The following PAEP variants were observed in gnomAD, a reference collection of about 807,000 sequenced individuals.
The protein encoded by PAEP is glycodelin.
PAEP carries 28 observed loss-of-function variants against 23.0 expected under a neutral mutation model. The observed-to-expected ratio is 1.22, with a 90% CI of 0.90 to 1.67. PAEP has a LOEUF of 1.67. Ranked by LOEUF, PAEP falls within the 40% of genes most tolerant of loss-of-function variation. The probability of loss-of-function intolerance (pLI) is 0.00; values close to 1 mark genes in which losing one functional copy is unlikely to be tolerated. For synonymous variants in PAEP, 103 were observed against 92.4 expected, an observed-to-expected ratio of 1.12 and a Z score of -0.66; for missense variants, 209 against 226.4, an observed-to-expected ratio of 0.92 and a Z score of 0.49.
intron 5 of PAEP, 87 bp downstream of exon 5, chr9:135,565,601 CTCAGG>C (rs769614075): frequency 7.1e-7 from 1 of 1,398,726 alleles, no homozygotes; most frequent in Non-Finnish European, 1.0e-6. Context: ...CTCTGCAGGA[CTCAGG>C]TCACTCCTTT....
intron 3 of PAEP, among the ~76,000 whole-genome samples, chr9:135,564,017 G>A (rs577929428): frequency 6.4e-4 from 97 of 152,168 alleles, no homozygotes; most frequent in Admixed American, 2.2e-3. Context: ...GCCTCTCCAC[G>A]GCACACCTGG....
At chr9:135,565,044 G>T (rs1472576283) in intron 4 of PAEP, among the ~76,000 whole-genome samples, 3 of 150,074 alleles carry the variant, frequency 2.0e-5, no homozygotes, top group Non-Finnish European at 3.0e-5. Context: ...GTTTCCTCTG[G>T]GGTCACACAG....
chr9:135,564,700 T>C, intron 4 of PAEP: 1 of 659,880 alleles, frequency 1.5e-6, no homozygotes, highest in Non-Finnish European at 1.9e-6. Context: ...AGACGGGGTT[T>C]CACCATGTTG....
At position 135,565,770 on chromosome 9, in the gene PAEP, C is replaced by T; in HGVS notation, c.527-15C>T. 1 of 1,614,108 alleles carries T rather than the reference C, an allele frequency of 6.2e-7. No homozygotes were observed. Among genetic ancestry groups the T allele is most frequent in the South Asian group, 1.1e-5 (1 of 91,078 alleles). ...TCTCTCGCTGACACCTCCACTGTCC[C>T]ATCTCCTCCCACAGAGCCGTGCCGT... is the stretch of plus-strand genomic sequence containing the variant. On this transcript the variant is annotated splice_polypyrimidine_tract_variant and intron_variant, in intron 5 of 6. Transcript: ENST00000479141.
rs1471935511 is a variant in PAEP at position 135,561,864 on chromosome 9, C to T, written c.63C>T (p.Ile21=). ...ALVCGVPAMD[I]PQTKQDLELP... ...TCTGTGGTGTCCCGGCCATGGACAT[C>T]CCCCAGACCAAGCAGGACCTGGAGC... Residue 21 remains isoleucine (I), a synonymous_variant, in exon 1 of 7, where the codon ATC becomes ATT. Coordinates refer to ENST00000479141, the MANE Select transcript of PAEP (RefSeq NM_002571.4). 16 of 1,567,608 alleles carry T rather than the reference C, an allele frequency of 1.0e-5. No individual in the cohort carries two copies. In the South Asian group the frequency reaches 1.6e-4, roughly 16 times the overall value.
intron 3 of PAEP, among the ~76,000 whole-genome samples, chr9:135,563,386 GTAGGTATACAGGTGGA>G (rs1832417811): frequency 4.6e-4 from 3 of 6,534 alleles, no homozygotes; most frequent in African/African-American, 1.1e-3. Flanking sequence ...GGGTAGGTGG[GTAGGTATACAGGTGGA>G]CAGGTGGGTA....
At chr9:135,562,924 C>T in intron 3 of PAEP, 31 bp downstream of exon 3, 2 of 1,550,488 alleles carry the variant, frequency 1.3e-6, no homozygotes, top group Non-Finnish European at 1.8e-6. Flanking sequence ...AGGGCTGGCT[C>T]AGTGCTGGCA....
chr9:135,562,975 G>A (rs1337056677), intron 3 of PAEP, 82 bp downstream of exon 3: 2 of 1,062,210 alleles, frequency 1.9e-6, no homozygotes, highest in Admixed American at 1.7e-5. Context: ...GCTGGGGCAT[G>A]AGGGAGTGGG....
chr9:135,565,629 C>A, intron 5 of PAEP, 115 bp downstream of exon 5: 1 of 1,341,454 alleles, frequency 7.5e-7, no homozygotes, highest in Non-Finnish European at 1.1e-6. Context: ...GGCCCCTCCC[C>A]TGTTCTCCCC....
In PAEP at chr9:135,562,802, A is replaced by G. The variant is rs1832373584; in HGVS notation, c.237-18A>G. On this transcript the variant is annotated intron_variant, in intron 2 of 6. Coordinates refer to ENST00000479141, the MANE Select transcript of PAEP (RefSeq NM_002571.4). ...TCCAATTCAAGTGGCCACTCATCCT[A>G]TTGTCACCACCTTTCAGGGAGAACA... 6.2e-7 allele frequency: 1 copy of G among 1,607,036 alleles called. No individual in the cohort carries two copies.
At chr9:135,563,676 T>G (rs1230245021) in intron 3 of PAEP, among the ~76,000 whole-genome samples, 1 of 152,328 alleles carries the variant, frequency 6.6e-6, no homozygotes, top group African/African-American at 2.4e-5. Flanking sequence ...CTTGGTCCAC[T>G]GAATTCTTCC....
At chr9:135,562,670 C>G (rs1832365339) in intron 2 of PAEP, 150 bp from the exon 3 acceptor site, 2 of 817,260 alleles carry the variant, frequency 2.4e-6, no homozygotes, top group Admixed American at 2.1e-5. Context: ...CAGTGCAGCC[C>G]CAGGTCAGAC....
At chr9:135,563,864 A>G (rs1832452953) in intron 3 of PAEP, among the ~76,000 whole-genome samples, 1 of 151,948 alleles carries the variant, frequency 6.6e-6, no homozygotes, top group African/African-American at 2.4e-5. Context: ...CCTCCCCAGA[A>G]TCGAGCCACT....
At position 135,561,796 on chromosome 9, in the gene PAEP, G is replaced by T. The variant is rs544851397; in HGVS notation, c.-6G>T. Reference sequence around the variant, plus strand: ...CCAGAGCTCAGAGCCACCCACAGCCGCAGCCATGCTGTGCCTCCTGCTCAC... The same window carrying T: ...CCAGAGCTCAGAGCCACCCACAGCCTCAGCCATGCTGTGCCTCCTGCTCAC... On this transcript the variant is annotated 5_prime_UTR_variant, in exon 1 of 7. Transcript: ENST00000479141. 1 of 1,546,230 alleles carries T rather than the reference G, an allele frequency of 6.5e-7. No individual in the cohort carries two copies. Among genetic ancestry groups the T allele is most frequent in the Non-Finnish European group, 8.8e-7 (1 of 1,142,672 alleles).
rs578014594 is a variant in PAEP at position 135,562,151 on chromosome 9, T to C, written c.97-143T>C. 3 of 1,005,036 alleles carry C rather than the reference T, an allele frequency of 3.0e-6. No individual in the cohort carries two copies. In the African/African-American group the frequency reaches 4.9e-5, roughly 16 times the overall value. 62.3% of individuals were successfully genotyped at this position (1,005,036 alleles called of 1,614,324 possible). A position where few individuals can be genotyped will look rare whatever the true frequency, so the allele number is the denominator to read the frequency against. On this transcript the variant is annotated intron_variant, in intron 1 of 6. Transcript: ENST00000479141. ...CACTGGTCATTTTAAGTACAGGAAATTTCATAGCCCAGGATCTGGTAGATA... is the reference window on the plus strand; with the variant it reads ...CACTGGTCATTTTAAGTACAGGAAACTTCATAGCCCAGGATCTGGTAGATA...
chr9:135,563,430 G>A (rs1340997117), intron 3 of PAEP, among the ~76,000 whole-genome samples: 1 of 150,630 alleles, frequency 6.6e-6, no homozygotes, highest in Non-Finnish European at 1.5e-5. Flanking sequence ...AGGTGGGCAG[G>A]TGAGTAGGTG....
At chr9:135,562,719 C>G in intron 2 of PAEP, 101 bp from the exon 3 acceptor site, 1 of 1,029,774 alleles carries the variant, frequency 9.7e-7, no homozygotes, top group Non-Finnish European at 1.5e-6. Flanking sequence ...TGCGGTGCTC[C>G]TTGGACCCGG....
intron 5 of PAEP, 59 bp downstream of exon 5, chr9:135,565,573 G>C (rs781213479): frequency 6.6e-7 from 1 of 1,521,022 alleles, no homozygotes; most frequent in East Asian, 2.3e-5. Flanking sequence ...CTCTTTCTTA[G>C]CCCGAGCCCC....
At chr9:135,561,996 AG>A (rs1461328289) in intron 1 of PAEP, 99 bp downstream of exon 1, 9 of 967,238 alleles carry the variant, frequency 9.3e-6, no homozygotes, top group Non-Finnish European at 1.4e-5. Flanking sequence ...ACCTACAGGA[AG>A]CACAGAATGG....
Sources: allele counts gnomAD v4.1 joint callset (sites outside exome capture counted in the v4.1 genomes callset), GRCh38; gene constraint gnomAD v4.1.1; transcripts MANE v1.5; gene names NCBI Gene and HGNC (gene_info 2026-07-23, HGNC 2026-07-21).